Variants in TNS3 observed in about 807,000 individuals in gnomAD.
The protein encoded by TNS3 is tensin-3.
Under a neutral mutation model 140.9 loss-of-function variants are expected in TNS3, and 45 were observed. The observed-to-expected ratio is 0.32, with a 90% CI of 0.25 to 0.41. The LOEUF (loss-of-function observed/expected upper bound fraction) is 0.41, where lower values mean the gene tolerates loss of function less well. Among genes scored for constraint, TNS3 ranks in the 10% least tolerant of loss-of-function variants. TNS3 has a pLI of 1.00. For synonymous variants in TNS3, 815 were observed against 788.4 expected (o/e 1.03, Z -0.56); for missense variants, 1,716 against 1,906.7 (o/e 0.90, Z 1.86).
chr7:47,353,895 T>C (rs1398792297), intron 17 of TNS3, among the ~76,000 whole-genome samples: 3 of 151,594 alleles, frequency 2.0e-5, no homozygotes, highest in Non-Finnish European at 4.4e-5. Context: ...CCTGCAGCCC[T>C]CCCACTCACA....
In TNS3 at chr7:47,395,198, ATT is replaced by A. The variant is rs138689715; in HGVS notation, c.1024+1600_1024+1601del. 8.6e-3 allele frequency among the ~76,000 whole-genome samples: 1,315 copies of A among 152,230 alleles called. 18 individuals carry two copies. Among genetic ancestry groups the A allele is most frequent in the African/African-American group, 0.03 (1,243 of 41,540 alleles). ...TCCATGAGACTCGGCACAGCCACTG[ATT>A]CATCACCTCAGGACAGAGCGCTGCT... On this transcript the variant is annotated intron_variant, in intron 16 of 30. Coordinates refer to ENST00000311160, the MANE Select transcript of TNS3 (RefSeq NM_022748.12).
chr7:47,316,417 C>T lies in TNS3; in HGVS notation c.2651-11414G>A, dbSNP rs1306560845. ...TTCAGGATCTTCATTTACAGACTCA[C>T]TTCAATTGGGATCAGATTAGATGAT... On this transcript the variant is annotated intron_variant, in intron 20 of 30. Coordinates refer to ENST00000311160, the MANE Select transcript of TNS3 (RefSeq NM_022748.12). Among the ~76,000 whole-genome samples the T allele has an allele frequency of 3.3e-5, 5 of 152,108 alleles. 1 individual carries two copies. In the East Asian group the frequency reaches 7.7e-4, roughly 23 times the overall value.
In TNS3 at chr7:47,407,141, A is replaced by G. The variant is rs1345389748; in HGVS notation, c.723+4586T>C. 1.3e-5 allele frequency among the ~76,000 whole-genome samples: 2 copies of G among 152,104 alleles called. No individual in the cohort carries two copies. The highest frequency in any genetic ancestry group is 3.9e-4 in the East Asian group (2 of 5,190). ...CTTAGGTCGTTTTCAGAGGGAGTCA[A>G]CAGCACTGAGATTTCTGGGCTTTGG... is the stretch of plus-strand genomic sequence containing the variant. On this transcript the variant is annotated intron_variant, in intron 13 of 30. Transcript: ENST00000311160. This position sits in a 1 kb window ranked among gnomAD's most constrained non-coding sequence, Gnocchi z 4.1.
intron 4 of TNS3, among the ~76,000 whole-genome samples, chr7:47,459,925 C>A (rs1196454248): frequency 5.3e-5 from 8 of 152,112 alleles, no homozygotes; most frequent in Non-Finnish European, 1.0e-4. Context: ...AGTTTGGAAA[C>A]AGGATCTTTA....
At chr7:47,546,272 C>T (rs1799918735) in intron 1 of TNS3, among the ~76,000 whole-genome samples, 1 of 152,206 alleles carries the variant, frequency 6.6e-6, no homozygotes, top group African/African-American at 2.4e-5. Context: ...ACCATCTTAC[C>T]TGAGCCACTT....
intron 1 of TNS3, chr7:47,539,379 TC>T (rs35817043): frequency 3.0e-6 from 1 of 328,674 alleles, no homozygotes; most frequent in Non-Finnish European, 6.0e-6. Context: ...GTGATAAACC[TC>T]CCCAGTGAGG....
At chr7:47,408,064 G>A (rs1316414570) in intron 13 of TNS3, among the ~76,000 whole-genome samples, 2 of 152,146 alleles carry the variant, frequency 1.3e-5, no homozygotes, top group Non-Finnish European at 2.9e-5. Context: ...CACAGAGTCT[G>A]AATGCCAAGC....
chr7:47,582,363 T>C, upstream of TNS3: 1 of 453,260 alleles, frequency 2.2e-6, no homozygotes, highest in Admixed American at 2.4e-5. Flanking sequence ...TCAGACCCAT[T>C]GAGCAGCCCA....
chr7:47,369,141 G>A lies in TNS3; in HGVS notation c.1505C>T (p.Pro502Leu). 6.2e-7 allele frequency: 1 copy of A among 1,614,022 alleles called. No homozygotes were observed. The highest frequency in any genetic ancestry group is 1.7e-5 in the Admixed American group (1 of 60,036). The change falls in exon 17 of 31, where the codon CCT becomes CTT. Residue 502 changes from proline (P) to leucine (L), a missense_variant. Physicochemically the swap from Pro to Leu is moderately conservative, Grantham distance 98. Around this residue, in one of 3 missense-constraint regions of TNS3, gnomAD observed 1,163 missense variants for 1,182.1 expected, o/e 0.98. Transcript: ENST00000311160. Reference protein sequence around the residue: ...SLGTLSSSEGPQSAHLGPFTC... With the variant: ...SLGTLSSSEGLQSAHLGPFTC... Reference sequence around the variant, plus strand: ...GAAGGGACCCAGGTGGGCCGACTGAGGCCCTTCCGAGGAGGACAGGGTCCC... The same window carrying A: ...GAAGGGACCCAGGTGGGCCGACTGAAGCCCTTCCGAGGAGGACAGGGTCCC...
chr7:47,527,512 C>T (rs575262899), intron 2 of TNS3, among the ~76,000 whole-genome samples: 1 of 152,342 alleles, frequency 6.6e-6, no homozygotes, highest in South Asian at 2.1e-4. Context: ...AGGGCCACCA[C>T]ATTTGGCTGA....
intron 17 of TNS3, among the ~76,000 whole-genome samples, chr7:47,364,882 G>C (rs1790602574): frequency 6.6e-6 from 1 of 152,142 alleles, no homozygotes; most frequent in East Asian, 1.9e-4. Context: ...ATTTTAAAAA[G>C]CTCTGGGGAG....
intron 21 of TNS3, 81 bp downstream of exon 21, chr7:47,304,751 C>G: frequency 7.9e-7 from 1 of 1,271,488 alleles, no homozygotes; most frequent in Non-Finnish European, 1.0e-6. Flanking sequence ...GAAGAGCAAG[C>G]CCCCGCTGGT....
intron 2 of TNS3, among the ~76,000 whole-genome samples, chr7:47,508,097 AC>A (rs1393362406): frequency 6.6e-6 from 1 of 152,250 alleles, no homozygotes; most frequent in East Asian, 1.9e-4. Context: ...CTGCGTGTCA[AC>A]ACCCCGTGAA....
At chr7:47,376,728 C>CACACACAT (rs1267929034) in intron 16 of TNS3, among the ~76,000 whole-genome samples, 5 of 147,134 alleles carry the variant, frequency 3.4e-5, no homozygotes, top group Admixed American at 3.3e-4. Context: ...TAGATCAAGA[C>CACACACAT]ACACACACAC....
Position 47,433,897 on chromosome 7 carries a change from C to A in TNS3, c.324+1385G>T, listed in dbSNP as rs879741601. On this transcript the variant is annotated intron_variant, in intron 8 of 30. Coordinates refer to ENST00000311160, the MANE Select transcript of TNS3 (RefSeq NM_022748.12). ...TCCGTCTGTCTATCTCTCTCTCTCT[C>A]TCTCTCTCTCTCTCTCTCTCTCTCT... Among the ~76,000 whole-genome samples the A allele has an allele frequency of 4.0e-3, 560 of 141,276 alleles. 2 individuals are homozygous for A. The highest frequency in any genetic ancestry group is 6.5e-3 in the Non-Finnish European group (439 of 67,818). The allele number at this position is 141,276 out of a possible 152,430, so 92.7% of individuals were successfully genotyped here. A position where few individuals can be genotyped will look rare whatever the true frequency, so the allele number is the denominator to read the frequency against.
intron 15 of TNS3, 66 bp downstream of exon 15, chr7:47,400,327 C>G (rs369807762): frequency 2.3e-6 from 3 of 1,321,132 alleles, no homozygotes; most frequent in East Asian, 4.6e-5. Flanking sequence ...ACAGCCCCAG[C>G]GTAGCCATCA....
intron 16 of TNS3, among the ~76,000 whole-genome samples, chr7:47,372,046 A>C (rs566575052): frequency 5.9e-5 from 9 of 152,380 alleles, no homozygotes; most frequent in African/African-American, 1.7e-4. Context: ...TCCTGTTACC[A>C]GGAAAATTTA....
chr7:47,455,911 G>A (rs1796226586), intron 4 of TNS3, among the ~76,000 whole-genome samples: 2 of 152,166 alleles, frequency 1.3e-5, no homozygotes, highest in African/African-American at 4.8e-5. Flanking sequence ...AGAAATGGAG[G>A]CACACTGCGT....
chr7:47,564,635 CAAA>C (rs749603752), intron 1 of TNS3, among the ~76,000 whole-genome samples: 11 of 30,222 alleles, frequency 3.6e-4, no homozygotes, highest in Admixed American at 2.3e-3. Context: ...GACTCCGTCT[CAAA>C]AAAAAAAAAA....
Sources: gnomAD v4.1 joint callset for allele counts (sites outside exome capture counted in the v4.1 genomes callset) on GRCh38, gnomAD v4.1.1 for gene constraint, gnomAD v4.1.1 regional missense constraint, Gnocchi (gnomAD v3.1) non-coding constraint, MANE v1.5 for transcripts, NCBI Gene and HGNC (gene_info 2026-07-23, HGNC 2026-07-21) for gene names.